Variants in PRMT3 observed in about 807,000 individuals in gnomAD.
The protein encoded by PRMT3 is protein arginine methyltransferase 3.
A neutral mutation model predicts 71.9 loss-of-function variants in PRMT3; 62 were observed. The ratio of observed to expected loss-of-function variants is 0.86; its 90% CI spans 0.70 to 1.07. The LOEUF is 1.07. Ranked by LOEUF, PRMT3 falls within the 50% of genes least tolerant of loss-of-function variation. PRMT3 has a pLI of 0.00. For synonymous variants in PRMT3, 213 were observed against 220.4 expected, an observed-to-expected ratio of 0.97 and a Z score of 0.30; for missense variants, 663 against 643.0, an observed-to-expected ratio of 1.03 and a Z score of -0.34.
At chr11:20,430,879 A>G (rs1565209172) in intron 10 of PRMT3, among the ~76,000 whole-genome samples, 1 of 152,150 alleles carries the variant, frequency 6.6e-6, no homozygotes, top group Non-Finnish European at 1.5e-5. Context: ...TCCCTGGAAG[A>G]TGTTAATACC....
intron 13 of PRMT3, among the ~76,000 whole-genome samples, chr11:20,480,414 T>C (rs1034693932): frequency 1.3e-5 from 2 of 152,184 alleles, no homozygotes; most frequent in East Asian, 3.9e-4. Context: ...AAAAAATGTC[T>C]ATCTGGTGGT....
At chr11:20,442,478 T>G (rs1849930846) in intron 10 of PRMT3, among the ~76,000 whole-genome samples, 4 of 152,184 alleles carry the variant, frequency 2.6e-5, no homozygotes, top group African/African-American at 7.2e-5. Context: ...TTTTTATTTT[T>G]GGGGTTATTT....
At position 20,452,061 on chromosome 11, in the gene PRMT3, G is replaced by T. The variant is rs1197548534; in HGVS notation, c.994-69G>T. 7 of 1,130,376 alleles carry T rather than the reference G, an allele frequency of 6.2e-6. No homozygotes were observed. In the East Asian group the frequency reaches 1.2e-4, roughly 20 times the overall value. 70.0% of individuals were successfully genotyped at this position (1,130,376 alleles called of 1,614,324 possible). ...CTGTAATTAAAAGAGTAGCACCGATGTTTAAATTGACCTGCTTATGAGAGT... is the reference window on the plus strand; with the variant it reads ...CTGTAATTAAAAGAGTAGCACCGATTTTTAAATTGACCTGCTTATGAGAGT... On this transcript the variant is annotated intron_variant, in intron 10 of 15. Coordinates refer to ENST00000331079, the MANE Select transcript of PRMT3 (RefSeq NM_005788.4).
At chr11:20,477,093 C>T (rs1850808752) in intron 13 of PRMT3, among the ~76,000 whole-genome samples, 1 of 152,122 alleles carries the variant, frequency 6.6e-6, no homozygotes, top group Non-Finnish European at 1.5e-5. Flanking sequence ...CAAAATAAAG[C>T]TGAGTTTATG....
chr11:20,450,861 C>A (rs894128638), intron 10 of PRMT3, among the ~76,000 whole-genome samples: 6 of 152,070 alleles, frequency 3.9e-5, no homozygotes, highest in African/African-American at 1.2e-4. Flanking sequence ...ATTATACTTA[C>A]CCCACTGATC....
intron 13 of PRMT3, among the ~76,000 whole-genome samples, chr11:20,488,637 A>G (rs531947838): frequency 6.6e-6 from 1 of 152,286 alleles, no homozygotes; most frequent in East Asian, 1.9e-4. Context: ...GAAATGATAA[A>G]TTACTCCCTG....
chr11:20,420,892 A>G (rs1438173351), intron 9 of PRMT3, among the ~76,000 whole-genome samples: 1 of 152,250 alleles, frequency 6.6e-6, no homozygotes, highest in African/African-American at 2.4e-5. Context: ...AAAGAGAAGT[A>G]TAAGAATTGG....
intron 9 of PRMT3, among the ~76,000 whole-genome samples, chr11:20,412,540 T>C (rs1302475958): frequency 6.6e-6 from 1 of 151,658 alleles, no homozygotes; most frequent in Admixed American, 6.6e-5. Flanking sequence ...TTTTTCACGA[T>C]TTTTTTTATA....
chr11:20,495,562 T>C (rs1851312846), intron 15 of PRMT3, among the ~76,000 whole-genome samples: 1 of 152,146 alleles, frequency 6.6e-6, no homozygotes, highest in African/African-American at 2.4e-5. Flanking sequence ...CTTAGCATTC[T>C]CTCCACTGTC....
At chr11:20,488,217 C>A (rs1411184013) in intron 13 of PRMT3, among the ~76,000 whole-genome samples, 1 of 152,112 alleles carries the variant, frequency 6.6e-6, no homozygotes, top group Admixed American at 6.5e-5. Flanking sequence ...ATATAATTTT[C>A]ATATTTGTTG....
intron 10 of PRMT3, 26 bp downstream of exon 10, chr11:20,426,891 T>C: frequency 6.6e-7 from 1 of 1,506,872 alleles, no homozygotes; most frequent in Non-Finnish European, 8.8e-7. Flanking sequence ...AAAAACTACT[T>C]TCACTGGTAA....
intron 5 of PRMT3, 38 bp downstream of exon 5, chr11:20,393,037 A>T: frequency 7.3e-7 from 1 of 1,367,840 alleles, no homozygotes; most frequent in Non-Finnish European, 1.0e-6. Context: ...TAATTAACAT[A>T]AGGCCGTTTG....
At chr11:20,388,897 T>TA in intron 2 of PRMT3, among the ~76,000 whole-genome samples, 1 of 152,242 alleles carries the variant, frequency 6.6e-6, no homozygotes, top group East Asian at 1.9e-4. Context: ...TGGCCGGTGT[T>TA]ACTTTAATAC....
At chr11:20,496,875 G>A (rs942864416) in intron 15 of PRMT3, among the ~76,000 whole-genome samples, 1 of 152,170 alleles carries the variant, frequency 6.6e-6, no homozygotes, top group Non-Finnish European at 1.5e-5. Context: ...TCACTTTGAA[G>A]TTGCAAGTGA....
chr11:20,388,954 C>T (rs1565189294), intron 2 of PRMT3, among the ~76,000 whole-genome samples: 1 of 152,124 alleles, frequency 6.6e-6, no homozygotes, highest in Non-Finnish European at 1.5e-5. Flanking sequence ...AGTGGTGGTG[C>T]GTTAGTGTTC....
Position 20,404,211 on chromosome 11 carries a change from GTTTTTTTTTTT to G in PRMT3, c.771+1258_771+1268del, listed in dbSNP as rs71063629. 3.1e-3 allele frequency among the ~76,000 whole-genome samples: 106 copies of G among 34,332 alleles called. 15 individuals are homozygous for G. The highest frequency in any genetic ancestry group is 9.8e-3 in the South Asian group (7 of 714). 22.5% of individuals were successfully genotyped at this position (34,332 alleles called of 152,430 possible). A position where few individuals can be genotyped will look rare whatever the true frequency, so the allele number is the denominator to read the frequency against. ...GTTACTATAGTGGAGACTTTTCATAGTTTTTTTTTTTTTTTTTTTTTTTTTTTTTTTTTTTT... is the reference window on the plus strand; with the variant it reads ...GTTACTATAGTGGAGACTTTTCATAGTTTTTTTTTTTTTTTTTTTTTTTTT... On this transcript the variant is annotated intron_variant, in intron 8 of 15. Coordinates refer to ENST00000331079, the MANE Select transcript of PRMT3 (RefSeq NM_005788.4).
chr11:20,460,492 C>T (rs1850358838), intron 11 of PRMT3, among the ~76,000 whole-genome samples: 1 of 152,060 alleles, frequency 6.6e-6, no homozygotes, highest in Non-Finnish European at 1.5e-5. Context: ...ACTTTTGTGG[C>T]TCCAGCTTCT....
intron 6 of PRMT3, among the ~76,000 whole-genome samples, chr11:20,396,412 G>A (rs1316950412): frequency 5.3e-5 from 8 of 152,328 alleles, no homozygotes; most frequent in Middle Eastern, 3.4e-3. Context: ...GCCGAGGCAG[G>A]AGGATCATGA....
At chr11:20,397,465 G>A in intron 6 of PRMT3, 112 bp from the exon 7 acceptor site, 1 of 1,017,008 alleles carries the variant, frequency 9.8e-7, no homozygotes, top group Middle Eastern at 2.2e-4. Flanking sequence ...ATGTGATTTA[G>A]AAGACTCATC....
Sources: allele counts gnomAD v4.1 joint callset (sites outside exome capture counted in the v4.1 genomes callset), GRCh38; gene constraint gnomAD v4.1.1; transcripts MANE v1.5; gene names NCBI Gene and HGNC (gene_info 2026-07-23, HGNC 2026-07-21).